The following GSDME variants were observed in gnomAD, a reference collection of about 807,000 sequenced individuals.
GSDME encodes gasdermin-E.
A neutral mutation model predicts 47.5 loss-of-function variants in GSDME; 44 were observed. The ratio of observed to expected loss-of-function variants is 0.93; its 90% CI spans 0.73 to 1.19. GSDME has a LOEUF of 1.19. Ranked by LOEUF, GSDME falls within the 50% of genes most tolerant of loss-of-function variation. GSDME has a pLI of 0.00. For synonymous variants in GSDME, 258 were observed against 252.8 expected (o/e 1.02, Z -0.20); for missense variants, 663 against 604.2 (o/e 1.10, Z -1.02).
At position 24,741,623 on chromosome 7, in the gene GSDME, T is replaced by G. The variant is rs531765211; in HGVS notation, c.404+2939A>C. Among the ~76,000 whole-genome samples the G allele has an allele frequency of 5.1e-3, 783 of 152,334 alleles. 3 individuals carry two copies. Among genetic ancestry groups the G allele is most frequent in the African/African-American group, 0.018 (741 of 41,568 alleles). On this transcript the variant is annotated intron_variant, in intron 3 of 9. Transcript: ENST00000645220. ...TTTTTGAGGCCTAAAATAACTTGTC[T>G]GCAGATGACAACTTATCTAAATGAC...
In GSDME at chr7:24,698,842, AG is replaced by A; in HGVS notation, c.*183del. On this transcript the variant is annotated 3_prime_UTR_variant, in exon 10 of 10. Coordinates refer to ENST00000645220, the MANE Select transcript of GSDME (RefSeq NM_001127453.2). ...CACCAGCACAGGAGGGCCTCTGATA[AG>A]GAAAACTGTTTAAAGAGTACCTGGT... is the stretch of plus-strand genomic sequence containing the variant. 1 of 633,500 alleles carries A rather than the reference AG, an allele frequency of 1.6e-6. No homozygotes were observed. Among genetic ancestry groups the A allele is most frequent in the East Asian group, 2.8e-5 (1 of 35,922 alleles). The allele number at this position is 633,500 out of a possible 1,614,324, so 39.2% of individuals were successfully genotyped here.
intron 5 of GSDME, among the ~76,000 whole-genome samples, chr7:24,711,054 G>C (rs1789334362): frequency 6.6e-6 from 1 of 152,180 alleles, no homozygotes. Flanking sequence ...ATAATGCCTA[G>C]GATTTGCTTC....
chr7:24,708,566 C>A (rs539097125), intron 6 of GSDME, among the ~76,000 whole-genome samples: 99 of 152,264 alleles, frequency 6.5e-4, no homozygotes, highest in African/African-American at 2.2e-3. Flanking sequence ...TATTTAAATT[C>A]TTCTTTAGCA....
chr7:24,744,535 T>C lies in GSDME; in HGVS notation c.404+27A>G. On this transcript the variant is annotated intron_variant, in intron 3 of 9. Transcript: ENST00000645220. The surrounding 1 kb of genome is among the most constrained non-coding windows in gnomAD (Gnocchi z 4.5). ...CCTTTAAATGTGAGATGTGTCAAAA[T>C]CCAAAATGCCAAACAAGTCTCCTTA... The C allele has an allele frequency of 6.2e-7, 1 of 1,613,732 alleles. No individual in the cohort carries two copies. The highest frequency in any genetic ancestry group is 1.3e-5 in the African/African-American group (1 of 75,016).
intron 1 of GSDME, among the ~76,000 whole-genome samples, chr7:24,751,281 T>C (rs1790851388): frequency 6.6e-6 from 1 of 152,080 alleles, no homozygotes; most frequent in South Asian, 2.1e-4. Context: ...AGTTACCACA[T>C]ACAAAAAGAA....
chr7:24,721,956 G>A lies in GSDME; in HGVS notation c.405-2738C>T, dbSNP rs762371036. ...TCACTGACTCATTGGTCACCTCCTC[G>A]GGGAAGCATTCCCTGCACCCCCATC... On this transcript the variant is annotated intron_variant, in intron 3 of 9. Coordinates refer to ENST00000645220, the MANE Select transcript of GSDME (RefSeq NM_001127453.2). The surrounding 1 kb of genome is among the most constrained non-coding windows in gnomAD (Gnocchi z 4.1). 1.1e-4 allele frequency among the ~76,000 whole-genome samples: 17 copies of A among 152,120 alleles called. No individual in the cohort carries two copies. The highest frequency in any genetic ancestry group is 2.0e-4 in the Admixed American group (3 of 15,268).
intron 3 of GSDME, among the ~76,000 whole-genome samples, chr7:24,727,159 T>C (rs549587284): frequency 7.7e-4 from 118 of 152,294 alleles, no homozygotes; most frequent in African/African-American, 2.7e-3. Context: ...CCTGATCACC[T>C]AGATCTAACC....
At chr7:24,758,903 G>A (rs1791118533), upstream of GSDME, among the ~76,000 whole-genome samples, 1 of 152,196 alleles carries the variant, frequency 6.6e-6, no homozygotes, top group African/African-American at 2.4e-5. This position sits in a 1 kb window ranked among gnomAD's most constrained non-coding sequence, Gnocchi z 4.6. Flanking sequence ...CCAGCACCTA[G>A]TTTAGGATTT....
rs1040598704 is a variant in GSDME, at chr7:24,724,471, C to G, written c.405-5253G>C. On this transcript the variant is annotated intron_variant, in intron 3 of 9. Transcript: ENST00000645220. The surrounding 1 kb of genome is among the most constrained non-coding windows in gnomAD (Gnocchi z 4.8). ...CACATCTAAGGGCAGGCTCCTTGTT[C>G]TTCCTGGCGGGGGCGGCAACGTGAA... is the stretch of plus-strand genomic sequence containing the variant. 6.6e-6 allele frequency among the ~76,000 whole-genome samples: 1 copy of G among 152,198 alleles called. No individual in the cohort carries two copies. Among genetic ancestry groups the G allele is most frequent in the East Asian group, 1.9e-4 (1 of 5,190 alleles).
the GSDME span, among the ~76,000 whole-genome samples, chr7:24,784,892 G>A: frequency 6.6e-6 from 1 of 152,046 alleles, no homozygotes; most frequent in Non-Finnish European, 1.5e-5. Context: ...CAGCTGATTG[G>A]ATGGTGCCCA....
chr7:24,731,456 G>A (rs1229629101), intron 3 of GSDME, among the ~76,000 whole-genome samples: 2 of 152,208 alleles, frequency 1.3e-5, no homozygotes, highest in African/African-American at 2.4e-5. Flanking sequence ...CCTCCTCCAC[G>A]GGAGAGGAAA....
chr7:24,719,070 C>T lies in GSDME; in HGVS notation c.553G>A (p.Gly185Ser), dbSNP rs376265514. 42 of 1,613,024 alleles carry T rather than the reference C, an allele frequency of 2.6e-5. No homozygotes were observed. Among genetic ancestry groups the T allele is most frequent in the Middle Eastern group, 3.8e-4 (2 of 5,286 alleles). Residue 185 changes from glycine (G) to serine (S), a missense_variant, in exon 4 of 10, where the codon GGC (glycine) becomes AGC (serine). By Grantham distance (56) the Gly-to-Ser change is moderately conservative. Coordinates refer to ENST00000645220, the MANE Select transcript of GSDME (RefSeq NM_001127453.2). ...ACCTGCACCGTCTTGGTCTGGATGC[C>T]CACGATGCCACCACACTTCTCCTCG... ...QVEEKCGGIV[G>S]IQTKTVQVSA...
chr7:24,745,287 C>T lies in GSDME; in HGVS notation c.212-533G>A, dbSNP rs760751579. ...AGAACAGCAGCCCCTATTCTGGATG[C>T]ACCGCGAGAGGACAGCCTTCCTTGG... is the stretch of plus-strand genomic sequence containing the variant. On this transcript the variant is annotated intron_variant, in intron 2 of 9. Transcript: ENST00000645220. The surrounding 1 kb of genome is among the most constrained non-coding windows in gnomAD (Gnocchi z 4.4). 4.6e-5 allele frequency among the ~76,000 whole-genome samples: 7 copies of T among 152,142 alleles called. No individual in the cohort carries two copies. Among genetic ancestry groups the T allele is most frequent in the Non-Finnish European group, 1.0e-4 (7 of 68,020 alleles).
At chr7:24,787,826 C>T in the GSDME span, among the ~76,000 whole-genome samples, 1 of 152,144 alleles carries the variant, frequency 6.6e-6, no homozygotes, top group African/African-American at 2.4e-5. This position sits in a 1 kb window ranked among gnomAD's most constrained non-coding sequence, Gnocchi z 5.0. Flanking sequence ...CCTGCCTCAG[C>T]CTCCTGAGTA....
intron 7 of GSDME, 89 bp from the exon 8 acceptor site, chr7:24,706,465 A>G: frequency 7.6e-7 from 1 of 1,320,182 alleles, no homozygotes; most frequent in South Asian, 1.3e-5. Flanking sequence ...CACAAGCCCC[A>G]GCCCTTCCCA....
chr7:24,701,901 C>T (rs1430072506), intron 9 of GSDME, among the ~76,000 whole-genome samples: 6 of 152,196 alleles, frequency 3.9e-5, no homozygotes, highest in African/African-American at 7.2e-5. Context: ...CCACATTACT[C>T]GGTGTTCCCA....
intron 3 of GSDME, among the ~76,000 whole-genome samples, chr7:24,720,774 G>A (rs1789748251): frequency 6.6e-6 from 1 of 152,124 alleles, no homozygotes; most frequent in African/African-American, 2.4e-5. Flanking sequence ...AATTAGCCAG[G>A]CACATGCCTG....
chr7:24,790,870 C>T, the GSDME span, among the ~76,000 whole-genome samples: 1 of 152,102 alleles, frequency 6.6e-6, no homozygotes, highest in African/African-American at 2.4e-5. This position sits in a 1 kb window ranked among gnomAD's most constrained non-coding sequence, Gnocchi z 4.1. Context: ...TTTGCCCTAC[C>T]TTAGTGACCT....
chr7:24,764,474 G>C, the GSDME span, among the ~76,000 whole-genome samples: 1 of 152,158 alleles, frequency 6.6e-6, no homozygotes, highest in African/African-American at 2.4e-5. The surrounding 1 kb of genome is among the most constrained non-coding windows in gnomAD (Gnocchi z 4.4). Flanking sequence ...TCTGTAAGGA[G>C]TCTAGACATC....
Sources: gnomAD v4.1 joint callset for allele counts (sites outside exome capture counted in the v4.1 genomes callset) on GRCh38, gnomAD v4.1.1 for gene constraint, Gnocchi (gnomAD v3.1) non-coding constraint, MANE v1.5 for transcripts, NCBI Gene and HGNC (gene_info 2026-07-23, HGNC 2026-07-21) for gene names.